The following NTAQ1 variants were observed in gnomAD, a reference collection of about 807,000 sequenced individuals.
NTAQ1 encodes protein N-terminal glutamine amidohydrolase.
Under a neutral mutation model 28.2 loss-of-function variants are expected in NTAQ1, and 21 were observed. The ratio of observed to expected loss-of-function variants is 0.74; its 90% CI spans 0.53 to 1.07. The LOEUF (loss-of-function observed/expected upper bound fraction) is 1.07. Among genes scored for constraint, NTAQ1 ranks in the 50% least tolerant of loss-of-function variants. The probability of loss-of-function intolerance (pLI) is 0.00; values close to 1 mark genes in which losing one functional copy is unlikely to be tolerated. For missense variants in NTAQ1, 264 were observed against 256.6 expected (o/e 1.03, Z -0.20); for synonymous variants, 105 against 90.0 (o/e 1.17, Z -0.94).
At chr8:123,449,974 T>TATGA (rs371673968), downstream of NTAQ1, among the ~76,000 whole-genome samples, 253 of 56,102 alleles carry the variant, frequency 4.5e-3, 75 homozygotes, top group Middle Eastern at 0.05. Context: ...TATATATATA[T>TATGA]GCTGGATAAA....
intron 6 of NTAQ1, among the ~76,000 whole-genome samples, chr8:123,459,800 CTTTTTTTTTTT>C (rs35644112): frequency 5.9e-5 from 7 of 119,608 alleles, no homozygotes; most frequent in Non-Finnish European, 1.0e-4. Context: ...ATACATCATT[CTTTTTTTTTTT>C]TTTTTTTTTG....
Position 123,437,710 on chromosome 8 carries a change from AAAAAAAACAAAAAAC to A in NTAQ1, c.508+383_508+397del, listed in dbSNP as rs1168062959. On this transcript the variant is annotated intron_variant, in intron 5 of 5. Transcript: ENST00000287387. ...AGAGTGAGACTCCATCTCAAAAAAA[AAAAAAAACAAAAAAC>A]AAAAAACAAAAAATTCCATGAATGA... Among the ~76,000 whole-genome samples the A allele has an allele frequency of 5.2e-5, 3 of 57,628 alleles. No individual in the cohort carries two copies. The East Asian group carries it at 2.9e-3, about 56-fold the overall frequency. The allele number at this position is 57,628 out of a possible 152,430, so 37.8% of individuals were successfully genotyped here. A position where few individuals can be genotyped will look rare whatever the true frequency, so the allele number is the denominator to read the frequency against.
At chr8:123,428,360 C>T (rs1010124624) in intron 2 of NTAQ1, among the ~76,000 whole-genome samples, 1 of 151,976 alleles carries the variant, frequency 6.6e-6, no homozygotes, top group Non-Finnish European at 1.5e-5. Flanking sequence ...CCACGCCCAG[C>T]TAATTTTTGT....
At chr8:123,436,102 G>A (rs3955452) in intron 3 of NTAQ1, among the ~76,000 whole-genome samples, 53,463 of 148,192 alleles carry the variant, frequency 0.36, 9,715 homozygotes, top group East Asian at 0.56. Flanking sequence ...CCGGCAGGTG[G>A]AGGTTGCAGT....
intron 6 of NTAQ1, among the ~76,000 whole-genome samples, chr8:123,461,949 G>A (rs1237650225): frequency 6.6e-6 from 1 of 152,080 alleles, no homozygotes; most frequent in African/African-American, 2.4e-5. Context: ...GAAAATTACA[G>A]AACTTAAAAA....
At chr8:123,431,594 G>A (rs1234205689) in intron 3 of NTAQ1, among the ~76,000 whole-genome samples, 1 of 152,182 alleles carries the variant, frequency 6.6e-6, no homozygotes, top group Non-Finnish European at 1.5e-5. Flanking sequence ...AGGTGATCTT[G>A]CATGAAAGCT....
chr8:123,417,138 C>A (rs1305338755), intron 1 of NTAQ1, among the ~76,000 whole-genome samples: 2 of 152,212 alleles, frequency 1.3e-5, no homozygotes, highest in Admixed American at 1.3e-4. Flanking sequence ...GGGAATTCGT[C>A]CGGAATCATA....
downstream of NTAQ1, among the ~76,000 whole-genome samples, chr8:123,450,519 C>A (rs1392880021): frequency 7.0e-6 from 1 of 142,694 alleles, no homozygotes; most frequent in East Asian, 2.1e-4. Flanking sequence ...GAACGAATTA[C>A]CCATTTCTGC....
At chr8:123,453,175 C>G (rs1168112842) in intron 6 of NTAQ1, among the ~76,000 whole-genome samples, 3 of 152,160 alleles carry the variant, frequency 2.0e-5, no homozygotes, top group Non-Finnish European at 2.9e-5. Context: ...TATGTTTGAC[C>G]TCCTTGGGGC....
chr8:123,427,040 C>A (rs1287720076), intron 1 of NTAQ1, among the ~76,000 whole-genome samples: 1 of 152,012 alleles, frequency 6.6e-6, no homozygotes, highest in Non-Finnish European at 1.5e-5. Flanking sequence ...ACAGGGATTC[C>A]CCCAAATGAG....
At chr8:123,441,280 C>T (rs760349923) in intron 5 of NTAQ1, 26 bp from the exon 6 acceptor site, 54 of 1,555,226 alleles carry the variant, frequency 3.5e-5, no homozygotes, top group Non-Finnish European at 4.5e-5. Flanking sequence ...TTTCAGTGGA[C>T]ATTTTTTTTT....
At chr8:123,452,107 G>A (rs958083207), downstream of NTAQ1, among the ~76,000 whole-genome samples, 1 of 152,206 alleles carries the variant, frequency 6.6e-6, no homozygotes, top group African/African-American at 2.4e-5. Flanking sequence ...CACAAACGCA[G>A]ATATGGAAAG....
chr8:123,466,594 G>A (rs1267523721), intron 6 of NTAQ1, among the ~76,000 whole-genome samples: 2 of 152,226 alleles, frequency 1.3e-5, no homozygotes, highest in East Asian at 3.8e-4. Flanking sequence ...GCAGGCAGGA[G>A]CCTGCAATTG....
chr8:123,435,582 GTGGGGCCGGCAC>G (rs1814655362), intron 3 of NTAQ1: 2 of 964,878 alleles, frequency 2.1e-6, no homozygotes, highest in South Asian at 4.8e-5. Flanking sequence ...CAAATAGCAG[GTGGGGCCGGCAC>G]TGTGGCTCAC....
chr8:123,427,044 A>G (rs79233450), intron 1 of NTAQ1, among the ~76,000 whole-genome samples: 1 of 152,118 alleles, frequency 6.6e-6, no homozygotes, highest in Non-Finnish European at 1.5e-5. Flanking sequence ...GGATTCCCCC[A>G]AATGAGTTCC....
At position 123,466,677 on chromosome 8, in the gene NTAQ1, A is replaced by G. The variant is rs1815968073; in HGVS notation, c.373-402A>G. ...TCCCTTTTCCCCCCTGGCAAACTGTATACATGGATGTGCAAATATCTCTTT... is the reference window on the plus strand; with the variant it reads ...TCCCTTTTCCCCCCTGGCAAACTGTGTACATGGATGTGCAAATATCTCTTT... On this transcript the variant is annotated intron_variant, in intron 6 of 6. Coordinates refer to the NTAQ1 transcript ENST00000650311. Among the ~76,000 whole-genome samples, 4 of 152,166 alleles carry G rather than the reference A, an allele frequency of 2.6e-5. No individual in the cohort carries two copies. In the South Asian group the frequency reaches 8.3e-4, roughly 31 times the overall value.
At chr8:123,452,082 A>C (rs1459174045), downstream of NTAQ1, among the ~76,000 whole-genome samples, 3 of 152,206 alleles carry the variant, frequency 2.0e-5, no homozygotes, top group East Asian at 5.8e-4. Context: ...CAGGCACCTC[A>C]TTCCAGCCTC....
chr8:123,438,362 A>G lies in NTAQ1; in HGVS notation c.508+1028A>G, dbSNP rs1318058735. The G allele has an allele frequency of 9.0e-6, 5 of 554,064 alleles. No individual in the cohort carries two copies. The African/African-American group carries it at 9.5e-5, about 11-fold the overall frequency. 34.3% of individuals were successfully genotyped at this position (554,064 alleles called of 1,614,324 possible). A position where few individuals can be genotyped will look rare whatever the true frequency, so the allele number is the denominator to read the frequency against. On this transcript the variant is annotated intron_variant, in intron 5 of 5. Transcript: ENST00000287387. ...AGAAAAATAGGGCAGTAGTGTTAGT[A>G]CTTCAACAAGGGTCTGAGCGTGGTG...
chr8:123,433,168 G>GC (rs1814501242), intron 3 of NTAQ1, among the ~76,000 whole-genome samples: 1 of 152,218 alleles, frequency 6.6e-6, no homozygotes, highest in Non-Finnish European at 1.5e-5. Context: ...GCTCAAGCCT[G>GC]CATTCCTTGG....
Sources: gnomAD v4.1 joint callset for allele counts (sites outside exome capture counted in the v4.1 genomes callset) on GRCh38, gnomAD v4.1.1 for gene constraint, MANE v1.5 for transcripts, NCBI Gene and HGNC (gene_info 2026-07-23, HGNC 2026-07-21) for gene names.